Variants in RORA observed in about 807,000 individuals in gnomAD.
The protein encoded by RORA is RAR related orphan receptor A.
Under a neutral mutation model 69.5 loss-of-function variants are expected in RORA, and 7 were observed. The ratio of observed to expected loss-of-function variants is 0.10; its 90% CI spans 0.06 to 0.19. The LOEUF is 0.19. Among genes scored for constraint, RORA ranks in the 10% least tolerant of loss-of-function variants. RORA has a pLI of 1.00. For missense variants in RORA, 457 were observed against 663.0 expected (o/e 0.69, Z 3.41); for synonymous variants, 261 against 240.8 (o/e 1.08, Z -0.78).
At position 60,531,238 on chromosome 15, in the gene RORA, AAGCAACTG is replaced by A. The variant is rs1334190191; in HGVS notation, c.282+520_282+527del. The A allele has an allele frequency of 6.5e-6, 1 of 153,274 alleles. No homozygotes were observed. Among genetic ancestry groups the A allele is most frequent in the Non-Finnish European group, 1.5e-5 (1 of 68,876 alleles). The allele number at this position is 153,274 out of a possible 1,614,324, so 9.5% of individuals were successfully genotyped here. On this transcript the variant is annotated intron_variant, in intron 3 of 10. Coordinates refer to ENST00000335670, the MANE Select transcript of RORA (RefSeq NM_134261.3). The surrounding 1 kb of genome is among the most constrained non-coding windows in gnomAD (Gnocchi z 4.8). Reference sequence around the variant, plus strand: ...AGGTGTTATACCCACTTTAAAAATGAAGCAACTGAGTGACAAAGAGATTAAGACACATT... The same window carrying A: ...AGGTGTTATACCCACTTTAAAAATGAAGTGACAAAGAGATTAAGACACATT...
chr15:61,104,113 C>T (rs931424308), intron 1 of RORA, among the ~76,000 whole-genome samples: 1 of 152,224 alleles, frequency 6.6e-6, no homozygotes, highest in Non-Finnish European at 1.5e-5. Flanking sequence ...TCCCCTTCCA[C>T]CCAACTCACC....
chr15:60,562,396 C>T (rs2067589696), intron 2 of RORA, among the ~76,000 whole-genome samples: 1 of 149,018 alleles, frequency 6.7e-6, no homozygotes, highest in Admixed American at 6.7e-5. Flanking sequence ...CCAATATGCC[C>T]AGCTAGTTTT....
At chr15:61,045,081 G>T (rs1186106539) in intron 1 of RORA, among the ~76,000 whole-genome samples, 1 of 152,120 alleles carries the variant, frequency 6.6e-6, no homozygotes, top group Admixed American at 6.5e-5. Flanking sequence ...TAGCTGATAC[G>T]GTTTGGCTGT....
chr15:60,507,605 G>A (rs1199296053), intron 5 of RORA, among the ~76,000 whole-genome samples: 2 of 152,208 alleles, frequency 1.3e-5, no homozygotes, highest in East Asian at 1.9e-4. Context: ...AATCAATGAC[G>A]CTGGAGAATA....
At chr15:61,153,721 T>C (rs567583106) in intron 1 of RORA, among the ~76,000 whole-genome samples, 1 of 152,332 alleles carries the variant, frequency 6.6e-6, no homozygotes, top group South Asian at 2.1e-4. Context: ...TCTCTATTGC[T>C]ACATGCATCA....
intron 1 of RORA, among the ~76,000 whole-genome samples, chr15:60,991,542 A>C (rs1310920372): frequency 1.5e-5 from 2 of 131,434 alleles, no homozygotes; most frequent in Non-Finnish European, 3.2e-5. Flanking sequence ...TTGTTAAAAA[A>C]ATGGCTCAAA....
intron 1 of RORA, among the ~76,000 whole-genome samples, chr15:60,758,007 G>A (rs916634893): frequency 3.3e-5 from 5 of 152,222 alleles, no homozygotes; most frequent in African/African-American, 1.2e-4. Flanking sequence ...AGTGTGCATG[G>A]TGATCCAAGA....
intron 1 of RORA, among the ~76,000 whole-genome samples, chr15:61,135,682 G>A (rs1326257579): frequency 6.6e-6 from 1 of 152,040 alleles, no homozygotes; most frequent in Non-Finnish European, 1.5e-5. Context: ...CTTTTGCCGG[G>A]TACCAGGGAA....
chr15:61,026,473 T>C (rs1255301643), intron 1 of RORA, among the ~76,000 whole-genome samples: 1 of 152,226 alleles, frequency 6.6e-6, no homozygotes, highest in Non-Finnish European at 1.5e-5. Flanking sequence ...ATTTGGGTAT[T>C]TAAGTGCAAA....
chr15:60,996,267 G>T (rs1265336167), intron 1 of RORA, among the ~76,000 whole-genome samples: 1 of 151,850 alleles, frequency 6.6e-6, no homozygotes, highest in African/African-American at 2.4e-5. Flanking sequence ...GACGGGGTTT[G>T]CACCATGTTG....
At position 60,497,291 on chromosome 15, in the gene RORA, G is replaced by T; in HGVS notation, c.*164C>A. 1.7e-6 allele frequency: 1 copy of T among 571,538 alleles called. No homozygotes were observed. Among genetic ancestry groups the T allele is most frequent in the Non-Finnish European group, 3.0e-6 (1 of 327,878 alleles). 35.4% of individuals were successfully genotyped at this position (571,538 alleles called of 1,614,324 possible). On this transcript the variant is annotated 3_prime_UTR_variant, in exon 11 of 11. Coordinates refer to ENST00000335670, the MANE Select transcript of RORA (RefSeq NM_134261.3). Reference sequence around the variant, plus strand: ...AGAAAAACAAGTTCAACTTTTATTTGTTTTCATTGTTTCCCCTCCTTTGCC... The same window carrying T: ...AGAAAAACAAGTTCAACTTTTATTTTTTTTCATTGTTTCCCCTCCTTTGCC...
chr15:61,080,954 C>A (rs1399351233), intron 1 of RORA, among the ~76,000 whole-genome samples: 3 of 152,214 alleles, frequency 2.0e-5, no homozygotes, highest in Non-Finnish European at 4.4e-5. Context: ...ATTTTGTCAA[C>A]TTGTCATTTG....
intron 1 of RORA, among the ~76,000 whole-genome samples, chr15:60,946,792 T>C (rs1170856925): frequency 6.6e-6 from 1 of 150,860 alleles, no homozygotes; most frequent in Non-Finnish European, 1.5e-5. Context: ...GGAGCACCTC[T>C]TCCCGGCCAC....
intron 2 of RORA, among the ~76,000 whole-genome samples, chr15:60,587,487 C>T (rs988934831): frequency 3.3e-5 from 5 of 152,138 alleles, no homozygotes; most frequent in South Asian, 4.1e-4. Flanking sequence ...TCTTGTTTCA[C>T]GTTATCAGAT....
chr15:60,941,778 GATCT>G (rs1240914884), intron 1 of RORA, among the ~76,000 whole-genome samples: 2 of 152,152 alleles, frequency 1.3e-5, no homozygotes, highest in East Asian at 3.8e-4. Context: ...TCTCCTCACT[GATCT>G]ATCTTTTTCA....
intron 2 of RORA, among the ~76,000 whole-genome samples, chr15:60,581,092 T>G (rs188452347): frequency 6.6e-6 from 1 of 152,334 alleles, no homozygotes; most frequent in African/African-American, 2.4e-5. Context: ...GAAGCCCCAG[T>G]GCAAAACATA....
At chr15:61,176,816 T>C (rs1233603782) in intron 1 of RORA, among the ~76,000 whole-genome samples, 2 of 152,176 alleles carry the variant, frequency 1.3e-5, no homozygotes, top group East Asian at 1.9e-4. Flanking sequence ...AAATGACTAC[T>C]ATTATTATTG....
Position 60,499,945 on chromosome 15 carries a change from C to T in RORA, c.1354G>A (p.Ala452Thr). The change falls in exon 10 of 11, where the codon GCT becomes ACT. Residue 452 changes from alanine (A) to threonine (T), a missense_variant. This residue lies in a region of RORA where 304 missense variants were observed against 447.4 expected (regional missense o/e 0.68). Transcript: ENST00000335670. ...IEKLQQKIQL[A>T]LQHVLQKNHR... ...TTCTTCTGTAGGACGTGTTGAAGAG[C>T]TAGCTGAATTTTCTGTTGCAGTTTT... The T allele has an allele frequency of 6.2e-7, 1 of 1,613,204 alleles. No individual in the cohort carries two copies. Among genetic ancestry groups the T allele is most frequent in the East Asian group, 2.2e-5 (1 of 44,836 alleles).
At chr15:60,615,967 T>C (rs951904265) in intron 2 of RORA, among the ~76,000 whole-genome samples, 4 of 152,150 alleles carry the variant, frequency 2.6e-5, no homozygotes, top group Non-Finnish European at 5.9e-5. Context: ...CATGTCTCAT[T>C]TGGGGGGTGC....
Sources: gnomAD v4.1 joint callset for allele counts (sites outside exome capture counted in the v4.1 genomes callset) on GRCh38, gnomAD v4.1.1 for gene constraint, gnomAD v4.1.1 regional missense constraint, Gnocchi (gnomAD v3.1) non-coding constraint, MANE v1.5 for transcripts, NCBI Gene and HGNC (gene_info 2026-07-23, HGNC 2026-07-21) for gene names.